CRACD: variants seen among roughly 807,000 people sequenced by gnomAD.
CRACD encodes capping protein inhibiting regulator of actin dynamics, also known as capping protein-inhibiting regulator of actin dynamics.
Under a neutral mutation model 106.8 loss-of-function variants are expected in CRACD, and 56 were observed. The observed-to-expected ratio is 0.52, with a 90% confidence interval of 0.42 to 0.66. The LOEUF is 0.66. Among genes scored for constraint, CRACD ranks in the 30% least tolerant of loss-of-function variants. CRACD has a pLI of 0.00. For synonymous variants in CRACD, 754 were observed against 670.8 expected, an observed-to-expected ratio of 1.12 and a Z score of -1.92; for missense variants, 1,730 against 1,623.2, an observed-to-expected ratio of 1.07 and a Z score of -1.13.
intron 3 of CRACD, among the ~76,000 whole-genome samples, chr4:56,293,864 A>G (rs144286489): frequency 2.3e-4 from 35 of 152,324 alleles, no homozygotes; most frequent in African/African-American, 7.9e-4. Context: ...GATCCAAACC[A>G]TATCAGTAGA....
Position 56,093,295 on chromosome 4 carries a change from A to G in CRACD, c.-336+43996A>G, listed in dbSNP as rs922729248. On this transcript the variant is annotated intron_variant, in intron 1 of 10. Coordinates refer to ENST00000682029, the MANE Select transcript of CRACD (RefSeq NM_001393381.1). ...TTTCCTTTCCCCACTTCCTGATGCG[A>G]TGTTAAGTCCTGCCTCCTGTAGGTA... 6.6e-5 allele frequency among the ~76,000 whole-genome samples: 10 copies of G among 152,062 alleles called. 1 individual carries two copies. Among genetic ancestry groups the G allele is most frequent in the Middle Eastern group, 3.2e-3 (1 of 316 alleles).
At chr4:56,137,154 G>A (rs984601629) in intron 1 of CRACD, among the ~76,000 whole-genome samples, 1 of 152,064 alleles carries the variant, frequency 6.6e-6, no homozygotes, top group African/African-American at 2.4e-5. Flanking sequence ...CTCACATCAG[G>A]CATGTGGTAG....
At chr4:56,187,913 G>A (rs991345801) in intron 2 of CRACD, among the ~76,000 whole-genome samples, 3 of 152,068 alleles carry the variant, frequency 2.0e-5, no homozygotes, top group Non-Finnish European at 2.9e-5. Flanking sequence ...ACTGTTTACT[G>A]TTAAAGCATA....
At chr4:56,107,171 G>A (rs921517058) in intron 1 of CRACD, among the ~76,000 whole-genome samples, 13 of 152,000 alleles carry the variant, frequency 8.6e-5, no homozygotes, top group African/African-American at 3.1e-4. Flanking sequence ...TTCAGAGATG[G>A]AGTCTTGTAG....
chr4:56,271,895 C>T (rs551568073), intron 2 of CRACD, among the ~76,000 whole-genome samples: 3 of 152,260 alleles, frequency 2.0e-5, no homozygotes, highest in African/African-American at 7.2e-5. Context: ...AAGGCGTGCA[C>T]CACCAACCCG....
At chr4:56,159,219 C>T (rs147308959) in intron 1 of CRACD, among the ~76,000 whole-genome samples, 38 of 152,276 alleles carry the variant, frequency 2.5e-4, no homozygotes, top group African/African-American at 8.2e-4. Context: ...ACATTTTTAC[C>T]GTTTCTTGGG....
chr4:56,267,389 C>T (rs1577831533), intron 2 of CRACD, among the ~76,000 whole-genome samples: 1 of 151,686 alleles, frequency 6.6e-6, no homozygotes, highest in African/African-American at 2.4e-5. Flanking sequence ...CGCAAAGTGC[C>T]GGGATTACAG....
chr4:56,267,124 G>GATT (rs113193363), intron 2 of CRACD, among the ~76,000 whole-genome samples: 1 of 149,284 alleles, frequency 6.7e-6, no homozygotes, highest in African/African-American at 2.4e-5. Flanking sequence ...ATTTATTTAA[G>GATT]TTTTTTTTTT....
At chr4:56,151,657 T>C (rs1435630938) in intron 1 of CRACD, among the ~76,000 whole-genome samples, 2 of 152,118 alleles carry the variant, frequency 1.3e-5, no homozygotes, top group African/African-American at 4.8e-5. Context: ...TCATGACCTT[T>C]CTAACGAAAA....
chr4:56,250,693 G>A (rs1357401481), intron 2 of CRACD, among the ~76,000 whole-genome samples: 1 of 152,088 alleles, frequency 6.6e-6, no homozygotes, highest in African/African-American at 2.4e-5. Flanking sequence ...TGTAACAACG[G>A]GCAAATCATC....
At chr4:56,310,245 C>T (rs1577894359) in intron 5 of CRACD, among the ~76,000 whole-genome samples, 1 of 152,076 alleles carries the variant, frequency 6.6e-6, no homozygotes, top group Non-Finnish European at 1.5e-5. Context: ...TTTCTTCTCA[C>T]TCATTGCTTA....
intron 1 of CRACD, among the ~76,000 whole-genome samples, chr4:56,130,217 G>A (rs1734781615): frequency 6.6e-6 from 1 of 152,066 alleles, no homozygotes; most frequent in African/African-American, 2.4e-5. Flanking sequence ...GCTATAGCAA[G>A]CCGTAAACTG....
At chr4:56,101,855 C>T (rs1032102430) in intron 1 of CRACD, among the ~76,000 whole-genome samples, 1 of 151,670 alleles carries the variant, frequency 6.6e-6, no homozygotes, top group African/African-American at 2.4e-5. Context: ...TACATGTATC[C>T]TTCTCAACCT....
chr4:56,148,335 G>A (rs1184376959), intron 1 of CRACD, among the ~76,000 whole-genome samples: 1 of 151,864 alleles, frequency 6.6e-6, no homozygotes, highest in Non-Finnish European at 1.5e-5. Context: ...TGTTACTCAG[G>A]CTGGAGTGCA....
intron 1 of CRACD, among the ~76,000 whole-genome samples, chr4:56,161,767 A>ATTTTT (rs35832943): frequency 0.018 from 2,598 of 141,296 alleles, 104 homozygotes; most frequent in African/African-American, 0.054. Flanking sequence ...GCCAAAGAGC[A>ATTTTT]TTTTTTTTTT....
intron 5 of CRACD, chr4:56,308,791 C>T: frequency 7.9e-7 from 1 of 1,261,318 alleles, no homozygotes; most frequent in South Asian, 1.3e-5. Flanking sequence ...CCCAACCTCT[C>T]CAGTGCTAGG....
At chr4:56,100,708 AGAG>A (rs150407529) in intron 1 of CRACD, among the ~76,000 whole-genome samples, 2,922 of 152,312 alleles carry the variant, frequency 0.019, 109 homozygotes, top group African/African-American at 0.067. Context: ...GCATACACAG[AGAG>A]GAGAAGATGG....
At chr4:56,064,593 G>T (rs1039121148) in intron 1 of CRACD, among the ~76,000 whole-genome samples, 1 of 151,968 alleles carries the variant, frequency 6.6e-6, no homozygotes, top group Non-Finnish European at 1.5e-5. Flanking sequence ...CCTTCTCTGG[G>T]AACTGTGGTC....
At chr4:56,252,999 C>T (rs978344334) in intron 2 of CRACD, among the ~76,000 whole-genome samples, 6 of 152,190 alleles carry the variant, frequency 3.9e-5, no homozygotes, top group African/African-American at 1.4e-4. Context: ...TCTCAGAAAA[C>T]CTCACTGGGC....
Sources: gnomAD v4.1 joint callset for allele counts (sites outside exome capture counted in the v4.1 genomes callset) on GRCh38, gnomAD v4.1.1 for gene constraint, MANE v1.5 for transcripts, NCBI Gene and HGNC (gene_info 2026-07-23, HGNC 2026-07-21) for gene names.